Variants in WDR45B observed in about 807,000 individuals in gnomAD.
The protein encoded by WDR45B is WD repeat domain 45B.
Under a neutral mutation model 44.6 loss-of-function variants are expected in WDR45B, and 20 were observed. The observed-to-expected ratio is 0.45, with a 90% CI of 0.32 to 0.65. The LOEUF is 0.65. Among genes scored for constraint, WDR45B ranks in the 30% least tolerant of loss-of-function variants. WDR45B has a pLI of 0.05. For missense variants in WDR45B, 323 were observed against 430.2 expected (o/e 0.75, Z 2.20); for synonymous variants, 169 against 164.9 (o/e 1.02, Z -0.19).
chr17:82,627,572 A>T (rs1320858082), intron 3 of WDR45B, among the ~76,000 whole-genome samples: 2 of 152,278 alleles, frequency 1.3e-5, no homozygotes, highest in East Asian at 1.9e-4. Context: ...TTCCTCTCTC[A>T]GTGTGCACAG....
intron 2 of WDR45B, among the ~76,000 whole-genome samples, chr17:82,632,476 A>T (rs1218224367): frequency 6.6e-6 from 1 of 152,232 alleles, no homozygotes; most frequent in East Asian, 1.9e-4. Flanking sequence ...AATGCTCCCA[A>T]CTGTTCATGA....
chr17:82,621,944 C>A, intron 5 of WDR45B, 145 bp from the exon 6 acceptor site: 1 of 1,029,738 alleles, frequency 9.7e-7, no homozygotes, highest in South Asian at 1.4e-5. Flanking sequence ...AAAGATTTTT[C>A]ATTGTAAATA....
At chr17:82,637,948 CA>C (rs2045857123) in intron 2 of WDR45B, among the ~76,000 whole-genome samples, 1 of 151,008 alleles carries the variant, frequency 6.6e-6, no homozygotes, top group African/African-American at 2.5e-5. Context: ...CCGAGGCAGA[CA>C]AATAACTTGA....
chr17:82,629,193 G>C (rs996937314), intron 3 of WDR45B, among the ~76,000 whole-genome samples: 2 of 152,180 alleles, frequency 1.3e-5, no homozygotes, highest in Non-Finnish European at 2.9e-5. Flanking sequence ...TGGCTCCCTT[G>C]TTAGCACCTG....
At chr17:82,617,663 G>T in intron 7 of WDR45B, 2 of 501,534 alleles carry the variant, frequency 4.0e-6, no homozygotes, top group Non-Finnish European at 7.4e-6. Context: ...CTGTGTGTCT[G>T]GGAGAGGGAA....
At position 82,635,542 on chromosome 17, in the gene WDR45B, C is replaced by T. The variant is rs2045822007; in HGVS notation, c.143-4520G>A. Among the ~76,000 whole-genome samples the T allele has an allele frequency of 2.0e-5, 3 of 151,222 alleles. No homozygotes were observed. In the South Asian group the frequency reaches 6.2e-4, roughly 31 times the overall value. Reference sequence around the variant, plus strand: ...CTGGGTTCAAGTGATTCTCCTGCCTCAGCCTCCCAAGTAGCTGGGATTACA... The same window carrying T: ...CTGGGTTCAAGTGATTCTCCTGCCTTAGCCTCCCAAGTAGCTGGGATTACA... On this transcript the variant is annotated intron_variant, in intron 2 of 9. Transcript: ENST00000392325.
chr17:82,627,379 T>C (rs2045712091), intron 3 of WDR45B, 88 bp from the exon 4 acceptor site: 1 of 1,133,426 alleles, frequency 8.8e-7, no homozygotes, highest in Non-Finnish European at 1.3e-6. Flanking sequence ...CCTAAGGTGT[T>C]TTCTCTTCCC....
chr17:82,634,271 T>C (rs773785507), intron 2 of WDR45B, among the ~76,000 whole-genome samples: 3 of 149,082 alleles, frequency 2.0e-5, no homozygotes, highest in Non-Finnish European at 3.0e-5. Flanking sequence ...AGGCGAATCA[T>C]GAGGTCGGGC....
At chr17:82,625,789 C>A (rs190350112) in intron 4 of WDR45B, 215 of 392,780 alleles carry the variant, frequency 5.5e-4, no homozygotes, top group African/African-American at 4.1e-3. Flanking sequence ...GCAAAACAGA[C>A]AGAAGTGATA....
rs777484189 is a variant in WDR45B at position 82,617,281 on chromosome 17, C to T, written c.806+15G>A. On this transcript the variant is annotated intron_variant, in intron 8 of 9. Coordinates refer to ENST00000392325, the MANE Select transcript of WDR45B (RefSeq NM_019613.4). ...CATCCCCCGGCTTTTCCCCAGCAGG[C>T]ATCCTAACACCTACCTGGACTGTTT... 3 of 1,610,722 alleles carry T rather than the reference C, an allele frequency of 1.9e-6. No homozygotes were observed. The highest frequency in any genetic ancestry group is 1.7e-6 in the Non-Finnish European group (2 of 1,178,754).
At chr17:82,638,273 G>A (rs867663331) in intron 2 of WDR45B, among the ~76,000 whole-genome samples, 14 of 37,664 alleles carry the variant, frequency 3.7e-4, no homozygotes, top group African/African-American at 1.5e-3. Context: ...AGGGGAGGGG[G>A]GAGGAGGAAA....
intron 2 of WDR45B, among the ~76,000 whole-genome samples, chr17:82,637,756 A>G (rs543113326): frequency 6.6e-6 from 1 of 152,178 alleles, no homozygotes; most frequent in East Asian, 1.9e-4. Context: ...GGGGAAGGAC[A>G]CAAAGCTTCC....
In WDR45B at chr17:82,624,348, G is replaced by A. The variant is rs144260959; in HGVS notation, c.427+1041C>T. On this transcript the variant is annotated intron_variant, in intron 5 of 9. Coordinates refer to ENST00000392325, the MANE Select transcript of WDR45B (RefSeq NM_019613.4). ...ACAATCTCGGCTCACCGCAAGCTCC[G>A]CCTCCCGGGTTCAAGCAATTCTCCT... is the stretch of plus-strand genomic sequence containing the variant. Among the ~76,000 whole-genome samples the A allele has an allele frequency of 7.1e-3, 1,024 of 144,994 alleles. 10 individuals carry two copies. Among genetic ancestry groups the A allele is most frequent in the African/African-American group, 0.023 (873 of 37,254 alleles).
At chr17:82,644,073 AAAAG>A (rs754764944) in intron 1 of WDR45B, 50 bp from the exon 2 acceptor site, 2 of 1,584,058 alleles carry the variant, frequency 1.3e-6, no homozygotes, top group East Asian at 2.2e-5. Flanking sequence ...TGGAGTGGTT[AAAAG>A]AAAGAGGTCT....
At chr17:82,648,009 C>A (rs1462631371) in intron 1 of WDR45B, among the ~76,000 whole-genome samples, 18 of 130,044 alleles carry the variant, frequency 1.4e-4, no homozygotes, top group Non-Finnish European at 3.0e-4. Context: ...GGACGGCCGG[C>A]TGGGAGCGGT....
Position 82,625,419 on chromosome 17 carries a change from G to A in WDR45B, c.397C>T (p.His133Tyr). The A allele has an allele frequency of 4.3e-6, 7 of 1,614,186 alleles. No homozygotes were observed. The highest frequency in any genetic ancestry group is 5.9e-6 in the Non-Finnish European group (7 of 1,180,042). ...FTFTHNPHQL[H>Y]VFETCYNPKG... ...GGGTTATAGCAGGTTTCGAAGACGTGCAACTGATGGGGATTGTGTGTGAAT... is the reference window on the plus strand; with the variant it reads ...GGGTTATAGCAGGTTTCGAAGACGTACAACTGATGGGGATTGTGTGTGAAT... Residue 133 changes from histidine (H) to tyrosine (Y), a missense_variant, in exon 5 of 10, where the codon CAC becomes TAC. His to Tyr is a moderately conservative substitution (Grantham distance 83). Coordinates refer to ENST00000392325, the MANE Select transcript of WDR45B (RefSeq NM_019613.4).
chr17:82,644,550 T>A, intron 1 of WDR45B: 1 of 186,262 alleles, frequency 5.4e-6, no homozygotes, highest in Non-Finnish European at 1.1e-5. Context: ...AGAGTCTCAA[T>A]GAGTTACCCA....
chr17:82,648,439 G>C lies in WDR45B; in HGVS notation c.-99C>G. 5 of 1,427,320 alleles carry C rather than the reference G, an allele frequency of 3.5e-6. No homozygotes were observed. The highest frequency in any genetic ancestry group is 4.8e-6 in the Non-Finnish European group (5 of 1,051,790). 88.4% of individuals were successfully genotyped at this position (1,427,320 alleles called of 1,614,324 possible). ...GGCCGGCGCTGAGGCCGCCGCGGCCGGAAGTGCCGGACGTACGTGCGTGCG... is the reference window on the plus strand; with the variant it reads ...GGCCGGCGCTGAGGCCGCCGCGGCCCGAAGTGCCGGACGTACGTGCGTGCG... On this transcript the variant is annotated 5_prime_UTR_variant, in exon 1 of 10. Coordinates refer to ENST00000392325, the MANE Select transcript of WDR45B (RefSeq NM_019613.4).
chr17:82,622,131 C>T lies in WDR45B; in HGVS notation c.428-332G>A, dbSNP rs142050354. Reference sequence around the variant, plus strand: ...GTCAGGGTACACGCCACCGAAAATGCAATGCAAAATTATAAAATTTAAAAG... The same window carrying T: ...GTCAGGGTACACGCCACCGAAAATGTAATGCAAAATTATAAAATTTAAAAG... On this transcript the variant is annotated intron_variant, in intron 5 of 9. Transcript: ENST00000392325. 3.7e-3 allele frequency among the ~76,000 whole-genome samples: 555 copies of T among 152,012 alleles called. 8 individuals are homozygous for T. The highest frequency in any genetic ancestry group is 0.013 in the African/African-American group (542 of 41,434).
Sources: gnomAD v4.1 joint callset for allele counts (sites outside exome capture counted in the v4.1 genomes callset) on GRCh38, gnomAD v4.1.1 for gene constraint, MANE v1.5 for transcripts, NCBI Gene and HGNC (gene_info 2026-07-23, HGNC 2026-07-21) for gene names.